Variants in CALD1 observed in about 807,000 individuals in gnomAD.
CALD1 encodes caldesmon.
CALD1 carries 33 observed loss-of-function variants against 99.9 expected under a neutral mutation model. That is an observed-to-expected ratio of 0.33 (90% CI 0.25 to 0.44). CALD1 has a LOEUF of 0.44. Among genes scored for constraint, CALD1 ranks in the 20% least tolerant of loss-of-function variants. The pLI, the probability that CALD1 is intolerant of heterozygous loss-of-function variation, is 1.00. For synonymous variants in CALD1, 310 were observed against 325.0 expected (o/e 0.95, Z 0.50); for missense variants, 861 against 962.1 (o/e 0.89, Z 1.39).
At position 134,873,548 on chromosome 7, in the gene CALD1, C is replaced by T. The variant is rs149388503; in HGVS notation, c.71+5744C>T. 6.7e-3 allele frequency among the ~76,000 whole-genome samples: 1,022 copies of T among 152,302 alleles called. 10 individuals carry two copies. The highest frequency in any genetic ancestry group is 0.023 in the African/African-American group (971 of 41,562). ...ACATTTTATGTGTGTCTAGTAAAGA[C>T]GGACCGCCGCCGGCCCCAGAATTAG... On this transcript the variant is annotated intron_variant, in intron 3 of 14. Transcript: ENST00000361675.
the CALD1 span, among the ~76,000 whole-genome samples, chr7:134,722,641 C>T: frequency 2.0e-5 from 3 of 152,048 alleles, no homozygotes; most frequent in Non-Finnish European, 2.9e-5. Context: ...AGGCTGGTCT[C>T]GAACTCCTGA....
rs774727878 is a variant in CALD1 at position 134,968,341 on chromosome 7, T to C, written c.2378T>C (p.Val793Ala). 1.2e-6 allele frequency: 2 copies of C among 1,613,750 alleles called. No homozygotes were observed. Among genetic ancestry groups the C allele is most frequent in the Admixed American group, 1.7e-5 (1 of 60,000 alleles). ...SVDKVTSPTK[V>A] Reference sequence around the variant, plus strand: ...TTTCAAGTTCTCTTCTCTTGGCAGGTTTGAGACAGTTCCAGAAAGAACCCA... The same window carrying C: ...TTTCAAGTTCTCTTCTCTTGGCAGGCTTGAGACAGTTCCAGAAAGAACCCA... The change falls in exon 15 of 15, where the codon GTT becomes GCT. Residue 793 changes from valine to alanine, a missense_variant and splice_region_variant. This residue lies in a region of CALD1 where 190 missense variants were observed against 249.0 expected (regional missense o/e 0.76). Transcript: ENST00000361675.
chr7:134,932,265 T>C (rs1186124113), intron 4 of CALD1, among the ~76,000 whole-genome samples: 1 of 152,224 alleles, frequency 6.6e-6, no homozygotes, highest in African/African-American at 2.4e-5. Flanking sequence ...CTTAGATGTC[T>C]CTTCCATTGG....
intron 1 of CALD1, among the ~76,000 whole-genome samples, chr7:134,757,290 C>T (rs1004681346): frequency 4.6e-5 from 7 of 152,138 alleles, no homozygotes; most frequent in Non-Finnish European, 1.0e-4. Context: ...GAATGACGAC[C>T]CCTGGAGTTG....
In CALD1 at chr7:134,933,453, A is replaced by G. The variant is rs1301206430; in HGVS notation, c.684A>G (p.Leu228=). 2 of 1,613,970 alleles carry G rather than the reference A, an allele frequency of 1.2e-6. No homozygotes were observed. Among genetic ancestry groups the G allele is most frequent in the Non-Finnish European group, 1.7e-6 (2 of 1,179,950 alleles). The change falls in exon 5 of 15, where the codon TTA becomes TTG. Residue 228 remains leucine, a synonymous_variant. Coordinates refer to ENST00000361675, the MANE Select transcript of CALD1 (RefSeq NM_033138.4). ...AGGAGGAAACAGTGGTAATGTCATT[A>G]AAAAATGGGCAGATCAGTTCAGAAG... ...ESQEETVVMS[L]KNGQISSEEP...
chr7:134,770,151 T>A (rs1796865585), intron 1 of CALD1, among the ~76,000 whole-genome samples: 1 of 152,176 alleles, frequency 6.6e-6, no homozygotes, highest in Non-Finnish European at 1.5e-5. Flanking sequence ...CTTAGTGGCT[T>A]ACAACAGCAA....
chr7:134,940,084 T>A (rs1402475295), intron 6 of CALD1, among the ~76,000 whole-genome samples: 1 of 152,128 alleles, frequency 6.6e-6, no homozygotes, highest in East Asian at 1.9e-4. Context: ...AAGTCCTGAG[T>A]TCTTATGGCC....
intron 3 of CALD1, among the ~76,000 whole-genome samples, chr7:134,896,426 T>C (rs1802580210): frequency 6.6e-6 from 1 of 152,232 alleles, no homozygotes; most frequent in Admixed American, 6.5e-5. Context: ...AAATTGCTAC[T>C]GCTGTTTATA....
At chr7:134,885,018 A>G (rs1801787962) in intron 3 of CALD1, among the ~76,000 whole-genome samples, 1 of 146,534 alleles carries the variant, frequency 6.8e-6, no homozygotes, top group South Asian at 2.2e-4. Context: ...GGCTCACTGC[A>G]GCCTCCACCT....
At chr7:134,782,723 A>C (rs755641065) in intron 1 of CALD1, among the ~76,000 whole-genome samples, 2 of 152,182 alleles carry the variant, frequency 1.3e-5, no homozygotes, top group Non-Finnish European at 2.9e-5. Flanking sequence ...TATACCCTGA[A>C]CTGCCTATCA....
intron 1 of CALD1, among the ~76,000 whole-genome samples, chr7:134,752,107 TA>T (rs1474547306): frequency 6.6e-6 from 1 of 152,200 alleles, no homozygotes; most frequent in Non-Finnish European, 1.5e-5. Flanking sequence ...AGGAGAAAGT[TA>T]ATATGGATCT....
At chr7:134,805,005 T>C (rs1798082340) in intron 1 of CALD1, among the ~76,000 whole-genome samples, 1 of 152,082 alleles carries the variant, frequency 6.6e-6, no homozygotes, top group South Asian at 2.1e-4. Context: ...GAGTTGGGAG[T>C]GCTGATTGGT....
chr7:134,900,920 TG>T (rs1802946427), intron 3 of CALD1, among the ~76,000 whole-genome samples: 1 of 152,042 alleles, frequency 6.6e-6, no homozygotes, highest in Non-Finnish European at 1.5e-5. Context: ...ATTCAACTTG[TG>T]ATTGGCATGC....
At chr7:134,831,320 ATTTC>A (rs1418059896) in intron 1 of CALD1, among the ~76,000 whole-genome samples, 4 of 151,872 alleles carry the variant, frequency 2.6e-5, no homozygotes, top group East Asian at 1.9e-4. Flanking sequence ...TTTCTGCATA[ATTTC>A]TTTCTTTTTT....
In CALD1 at chr7:134,969,092, T is replaced by C. The variant is rs904402566; in HGVS notation, c.*747T>C. On this transcript the variant is annotated 3_prime_UTR_variant, in exon 15 of 15. Coordinates refer to ENST00000361675, the MANE Select transcript of CALD1 (RefSeq NM_033138.4). The stretch of plus-strand genomic sequence containing the variant: ...AATGGTAGAATGCTTTTTTATGTGC[T>C]AGACTATTATATTTAGTAGTATGTC... The C allele has an allele frequency of 6.5e-6, 1 of 154,002 alleles. No individual in the cohort carries two copies. Among genetic ancestry groups the C allele is most frequent in the Non-Finnish European group, 1.5e-5 (1 of 68,886 alleles). The allele number at this position is 154,002 out of a possible 1,614,324, so 9.5% of individuals were successfully genotyped here.
intron 1 of CALD1, among the ~76,000 whole-genome samples, chr7:134,841,543 A>C (rs1174832118): frequency 1.3e-5 from 2 of 152,096 alleles, no homozygotes; most frequent in African/African-American, 2.4e-5. Context: ...TTATCCTCTA[A>C]TGTATGAAAG....
At chr7:134,898,524 A>G (rs963807060) in intron 3 of CALD1, among the ~76,000 whole-genome samples, 2 of 152,028 alleles carry the variant, frequency 1.3e-5, no homozygotes, top group African/African-American at 2.4e-5. Flanking sequence ...AAACTCAGCC[A>G]AGTTATCCTG....
At chr7:134,951,347 AC>A (rs1807324088) in intron 9 of CALD1, among the ~76,000 whole-genome samples, 1 of 152,282 alleles carries the variant, frequency 6.6e-6, no homozygotes, top group African/African-American at 2.4e-5. Context: ...GCTTTGGCAT[AC>A]ATTAAAATGA....
chr7:134,820,477 A>G (rs989498136), intron 1 of CALD1, among the ~76,000 whole-genome samples: 1 of 152,184 alleles, frequency 6.6e-6, no homozygotes, highest in African/African-American at 2.4e-5. Context: ...GAAAGTCTAG[A>G]TGTTGGGTGA....
Sources: gnomAD v4.1 joint callset for allele counts (sites outside exome capture counted in the v4.1 genomes callset) on GRCh38, gnomAD v4.1.1 for gene constraint, gnomAD v4.1.1 regional missense constraint, MANE v1.5 for transcripts, NCBI Gene and HGNC (gene_info 2026-07-23, HGNC 2026-07-21) for gene names.